CFAP47: variants seen among roughly 807,000 people sequenced by gnomAD.
CFAP47 encodes the protein cilia and flagella associated protein 47, also known as cilia- and flagella-associated protein 47.
CFAP47 carries 29 observed loss-of-function variants against 148.1 expected under a neutral mutation model. The ratio of observed to expected loss-of-function variants is 0.20; its 90% confidence interval spans 0.15 to 0.27. The LOEUF is 0.27. Ranked by LOEUF, CFAP47 falls within the 10% of genes least tolerant of loss-of-function variation. The pLI is 1.00. For synonymous variants in CFAP47, 664 were observed against 577.3 expected (o/e 1.15, Z -2.15); for missense variants, 1,872 against 1,697.5 (o/e 1.10, Z -1.81).
At chrX:36,226,303 A>C (rs1367567489) in intron 45 of CFAP47, among the ~76,000 whole-genome samples, 3 of 111,720 alleles carry the variant, frequency 2.7e-5, no homozygotes, top group Non-Finnish European at 5.7e-5. Context: ...AGAATTGGAA[A>C]TAGATTTAAG....
At chrX:36,118,389 AT>A (rs772465565) in intron 33 of CFAP47, among the ~76,000 whole-genome samples, 1 of 111,516 alleles carries the variant, frequency 9.0e-6, no homozygotes, top group Non-Finnish European at 1.9e-5. Context: ...ATATCTTTCC[AT>A]TTTTTTATGT....
At chrX:36,058,002 G>T (rs1017393626) in intron 26 of CFAP47, among the ~76,000 whole-genome samples, 1 of 111,944 alleles carries the variant, frequency 8.9e-6, no homozygotes, top group Non-Finnish European at 1.9e-5. Context: ...CTTCCATGCT[G>T]AAATGCAAAT....
At chrX:35,931,639 T>C (rs901108883) in intron 2 of CFAP47, among the ~76,000 whole-genome samples, 20 of 111,835 alleles carry the variant, frequency 1.8e-4, no homozygotes, top group African/African-American at 6.2e-4. Flanking sequence ...TAATTGAAGG[T>C]TATTTTAGGG....
intron 2 of CFAP47, among the ~76,000 whole-genome samples, chrX:35,928,254 T>C (rs1348024380): frequency 9.0e-6 from 1 of 110,964 alleles, no homozygotes; most frequent in Non-Finnish European, 1.9e-5. Context: ...CTGTACCATT[T>C]TACATTTCAA....
chrX:36,304,111 G>A lies in CFAP47; in HGVS notation c.8082+151G>A, dbSNP rs369950775. Among the ~76,000 whole-genome samples the A allele has an allele frequency of 2.7e-5, 3 of 111,693 alleles. No individual in the cohort carries two copies. In the East Asian group the frequency reaches 8.4e-4, roughly 31 times the overall value. On this transcript the variant is annotated intron_variant, in intron 54 of 63. Coordinates refer to ENST00000378653, the MANE Select transcript of CFAP47 (RefSeq NM_001304548.2). Reference sequence around the variant, plus strand: ...AATTGAATTTTATAGGCCCAGCGGGGTGGCTCATGCCTGTAATCCCAGCAC... The same window carrying A: ...AATTGAATTTTATAGGCCCAGCGGGATGGCTCATGCCTGTAATCCCAGCAC...
At chrX:36,090,712 T>C (rs1938168856) in intron 30 of CFAP47, among the ~76,000 whole-genome samples, 1 of 111,675 alleles carries the variant, frequency 9.0e-6, no homozygotes, top group Non-Finnish European at 1.9e-5. Flanking sequence ...TGTTTCATCA[T>C]GGAAATATAT....
chrX:36,258,486 T>C (rs1555999423), intron 49 of CFAP47, among the ~76,000 whole-genome samples: 1 of 111,899 alleles, frequency 8.9e-6, no homozygotes, highest in Non-Finnish European at 1.9e-5. Flanking sequence ...AAGCCGTCTT[T>C]GATTTTTGAC....
At chrX:36,178,678 C>T (rs1939715464) in intron 39 of CFAP47, among the ~76,000 whole-genome samples, 2 of 111,871 alleles carry the variant, frequency 1.8e-5, no homozygotes, top group African/African-American at 3.2e-5. Context: ...CCATTCGTGA[C>T]ATGAATTTTC....
In CFAP47 at chrX:36,146,676, C is replaced by T. The variant is rs775395654; in HGVS notation, c.5670+1323C>T. ...TGAATCAACACGATGAATGGCAGTGCGTTAAGTCATAGAAAGTCGTTCTTA... is the reference window on the plus strand; with the variant it reads ...TGAATCAACACGATGAATGGCAGTGTGTTAAGTCATAGAAAGTCGTTCTTA... On this transcript the variant is annotated intron_variant, in intron 36 of 63. Coordinates refer to ENST00000378653, the MANE Select transcript of CFAP47 (RefSeq NM_001304548.2). Among the ~76,000 whole-genome samples the T allele has an allele frequency of 8.1e-5, 9 of 111,303 alleles. No homozygotes were observed. The East Asian group carries it at 2.0e-3, about 24-fold the overall frequency.
chrX:36,170,372 G>A (rs1333030479), intron 39 of CFAP47, among the ~76,000 whole-genome samples: 2 of 110,730 alleles, frequency 1.8e-5, no homozygotes, highest in East Asian at 5.7e-4. Flanking sequence ...TATGATACAT[G>A]TGCCATGCTG....
At chrX:35,989,186 T>G (rs1682838827) in intron 15 of CFAP47, 133 bp from the exon 16 acceptor site, 1 of 493,022 alleles carries the variant, frequency 2.0e-6, no homozygotes, top group Non-Finnish European at 3.3e-6. Flanking sequence ...CATTTTTCTG[T>G]TTTTGGAGTT....
chrX:35,960,037 T>A (rs767404430), intron 8 of CFAP47, among the ~76,000 whole-genome samples: 2 of 110,254 alleles, frequency 1.8e-5, no homozygotes, highest in Non-Finnish European at 3.8e-5. Flanking sequence ...ATTTCTAGAC[T>A]AAAAATTCTA....
chrX:36,202,859 A>G (rs1426975664), intron 44 of CFAP47, among the ~76,000 whole-genome samples: 6 of 107,263 alleles, frequency 5.6e-5, no homozygotes, highest in Non-Finnish European at 1.2e-4. Context: ...CCCTGGCAAC[A>G]AGAGTGAAAC....
At chrX:36,182,194 T>C (rs184640832) in intron 40 of CFAP47, among the ~76,000 whole-genome samples, 2 of 112,310 alleles carry the variant, frequency 1.8e-5, no homozygotes, top group Non-Finnish European at 3.8e-5. Context: ...TGTGCCTTTT[T>C]CTTTTAGGGA....
chrX:36,049,488 TCACACACACA>T (rs397895931), intron 26 of CFAP47, among the ~76,000 whole-genome samples: 71 of 92,278 alleles, frequency 7.7e-4, no homozygotes, highest in South Asian at 1.3e-3. Flanking sequence ...TTTCTCTCTC[TCACACACACA>T]CACACACACA....
intron 2 of CFAP47, among the ~76,000 whole-genome samples, chrX:35,931,534 A>G (rs1402077945): frequency 2.7e-5 from 3 of 111,136 alleles, no homozygotes; most frequent in Non-Finnish European, 5.7e-5. Context: ...GTTAATTTGT[A>G]TATGCTATAA....
intron 29 of CFAP47, among the ~76,000 whole-genome samples, chrX:36,082,693 C>T: frequency 9.0e-6 from 1 of 111,135 alleles, no homozygotes; most frequent in Non-Finnish European, 1.9e-5. Context: ...TAAGGGGAAG[C>T]TTAAGGAAAG....
chrX:36,189,219 G>A (rs1555986137), intron 41 of CFAP47, among the ~76,000 whole-genome samples: 1 of 111,000 alleles, frequency 9.0e-6, no homozygotes. Flanking sequence ...TCATACATCT[G>A]GGGTGACTGG....
chrX:36,251,035 T>A (rs2146922837), intron 48 of CFAP47, among the ~76,000 whole-genome samples: 1 of 111,621 alleles, frequency 9.0e-6, no homozygotes, highest in Non-Finnish European at 1.9e-5. Context: ...CTATTCAGAC[T>A]TTCTAAGCAT....
Sources: gnomAD v4.1 joint callset for allele counts (sites outside exome capture counted in the v4.1 genomes callset) on GRCh38, gnomAD v4.1.1 for gene constraint, MANE v1.5 for transcripts, NCBI Gene and HGNC (gene_info 2026-07-23, HGNC 2026-07-21) for gene names.